DGKB: variants seen among roughly 807,000 people sequenced by gnomAD.
DGKB encodes 90 kDa diacylglycerol kinase.
DGKB carries 67 observed loss-of-function variants against 114.3 expected under a neutral mutation model. The observed-to-expected ratio is 0.59, with a 90% CI of 0.48 to 0.72. The LOEUF is 0.72. DGKB is among the 30% of genes least tolerant of loss of function. The pLI is 0.00. For synonymous variants in DGKB, 398 were observed against 323.1 expected (o/e 1.23, Z -2.49); for missense variants, 907 against 975.2 (o/e 0.93, Z 0.93).
At chr7:14,744,982 T>A (rs1479118852) in intron 4 of DGKB, among the ~76,000 whole-genome samples, 1 of 152,126 alleles carries the variant, frequency 6.6e-6, no homozygotes, top group African/African-American at 2.4e-5. Context: ...ATCCTGCTAA[T>A]CCTGACATCT....
intron 1 of DGKB, among the ~76,000 whole-genome samples, chr7:14,886,127 T>C (rs1188821029): frequency 2.0e-5 from 3 of 151,898 alleles, no homozygotes; most frequent in Non-Finnish European, 4.4e-5. Flanking sequence ...TGTAAGAGTT[T>C]GTAATTGTCT....
At chr7:14,912,515 C>T (rs1241758972) in intron 1 of DGKB, among the ~76,000 whole-genome samples, 1 of 152,094 alleles carries the variant, frequency 6.6e-6, no homozygotes, top group Non-Finnish European at 1.5e-5. Context: ...CAAAATGAGA[C>T]AAGCACCTGG....
At chr7:14,270,625 A>T (rs1242893091) in intron 23 of DGKB, among the ~76,000 whole-genome samples, 1 of 152,242 alleles carries the variant, frequency 6.6e-6, no homozygotes, top group Non-Finnish European at 1.5e-5. Context: ...TGCATAAGTT[A>T]AAAACTATAT....
chr7:14,198,050 C>A (rs755938988), intron 23 of DGKB, among the ~76,000 whole-genome samples: 3 of 151,924 alleles, frequency 2.0e-5, no homozygotes, highest in Non-Finnish European at 4.4e-5. Flanking sequence ...CAGAGTTGAC[C>A]TTCACATCTC....
intron 13 of DGKB, among the ~76,000 whole-genome samples, chr7:14,646,446 T>G (rs1813029995): frequency 6.6e-6 from 1 of 152,106 alleles, no homozygotes; most frequent in Non-Finnish European, 1.5e-5. Context: ...AAAAGGATAA[T>G]AAATTGTAAA....
intron 23 of DGKB, among the ~76,000 whole-genome samples, chr7:14,240,501 T>C (rs1480976196): frequency 1.3e-5 from 2 of 152,098 alleles, no homozygotes; most frequent in Non-Finnish European, 2.9e-5. Flanking sequence ...GAAACCTTAG[T>C]TCATACTTCC....
intron 21 of DGKB, among the ~76,000 whole-genome samples, chr7:14,468,634 TTTAATTTAACAA>T (rs1780833874): frequency 6.6e-6 from 1 of 151,500 alleles, no homozygotes; most frequent in Non-Finnish European, 1.5e-5. Context: ...TTCTTTGTGT[TTTAATTTAACAA>T]ATACTTCCTG....
intron 25 of DGKB, among the ~76,000 whole-genome samples, chr7:14,172,863 C>G (rs1423518692): frequency 6.6e-6 from 1 of 152,072 alleles, no homozygotes; most frequent in Non-Finnish European, 1.5e-5. Context: ...CCCTCCACCC[C>G]AAGCTGCTCT....
chr7:14,307,026 C>T (rs953445736), intron 23 of DGKB, among the ~76,000 whole-genome samples: 3 of 146,530 alleles, frequency 2.0e-5, no homozygotes, highest in Non-Finnish European at 3.0e-5. Flanking sequence ...CCTTTATCAT[C>T]AGTACTTTCT....
At chr7:14,548,473 C>T (rs1231239780) in intron 20 of DGKB, among the ~76,000 whole-genome samples, 1 of 151,966 alleles carries the variant, frequency 6.6e-6, no homozygotes, top group Non-Finnish European at 1.5e-5. Flanking sequence ...CAGGAGCTAG[C>T]CTTGTAACTC....
At chr7:14,312,655 C>A (rs150001749) in intron 23 of DGKB, among the ~76,000 whole-genome samples, 1 of 152,254 alleles carries the variant, frequency 6.6e-6, no homozygotes, top group East Asian at 1.9e-4. Flanking sequence ...TGATTGAGAA[C>A]AAAATCAGCC....
intron 20 of DGKB, among the ~76,000 whole-genome samples, chr7:14,503,002 A>C (rs992719917): frequency 1.3e-5 from 2 of 152,102 alleles, no homozygotes; most frequent in Non-Finnish European, 2.9e-5. Context: ...AACATTTGAG[A>C]GGACTAGCTC....
At chr7:14,277,274 G>A (rs564131725) in intron 23 of DGKB, among the ~76,000 whole-genome samples, 52 of 152,178 alleles carry the variant, frequency 3.4e-4, no homozygotes, top group African/African-American at 1.1e-3. Flanking sequence ...AGGTTCAAGC[G>A]ATTCTTGCAC....
chr7:14,274,984 C>A (rs999290471), intron 23 of DGKB, among the ~76,000 whole-genome samples: 1 of 140,490 alleles, frequency 7.1e-6, no homozygotes, highest in Non-Finnish European at 1.6e-5. Context: ...TTTGTGTGTG[C>A]GTGTTATAAA....
chr7:14,736,742 G>C (rs989076979), intron 4 of DGKB, among the ~76,000 whole-genome samples: 5 of 152,280 alleles, frequency 3.3e-5, no homozygotes, highest in Non-Finnish European at 5.9e-5. Flanking sequence ...TTCATACGCA[G>C]ACTTTCCAAA....
At chr7:14,828,579 T>C (rs1444235053) in intron 2 of DGKB, among the ~76,000 whole-genome samples, 1 of 152,004 alleles carries the variant, frequency 6.6e-6, no homozygotes, top group Non-Finnish European at 1.5e-5. Flanking sequence ...GAGTATTTAG[T>C]ACATACTAGT....
At chr7:14,610,857 T>A (rs1028430526) in intron 16 of DGKB, among the ~76,000 whole-genome samples, 1 of 152,132 alleles carries the variant, frequency 6.6e-6, no homozygotes, top group East Asian at 1.9e-4. Flanking sequence ...ACCAGCTTTA[T>A]AAATTTCTTG....
intron 1 of DGKB, among the ~76,000 whole-genome samples, chr7:14,969,421 G>A (rs1161001368): frequency 2.6e-5 from 4 of 152,142 alleles, no homozygotes; most frequent in African/African-American, 9.7e-5. Flanking sequence ...TACAAACCTA[G>A]ATGGCACAGA....
intron 20 of DGKB, among the ~76,000 whole-genome samples, chr7:14,567,264 T>TATATTATATATATAATATATTTATATA (rs1554517424): frequency 0.01 from 475 of 46,098 alleles, 77 homozygotes; most frequent in East Asian, 0.058. Context: ...ATTTATATAT[T>TATATTATATATATAATATATTTATATA]ATATATATAA....
Sources: allele counts gnomAD v4.1 joint callset (sites outside exome capture counted in the v4.1 genomes callset), GRCh38; gene constraint gnomAD v4.1.1; transcripts MANE v1.5; gene names NCBI Gene and HGNC (gene_info 2026-07-23, HGNC 2026-07-21).